FAM168B: variants seen among roughly 807,000 people sequenced by gnomAD.
The protein encoded by FAM168B is family with sequence similarity 168 member B.
A neutral mutation model predicts 21.8 loss-of-function variants in FAM168B; 19 were observed. That is an observed-to-expected ratio of 0.87 (90% CI 0.61 to 1.28). The LOEUF (loss-of-function observed/expected upper bound fraction) is 1.28, where lower values mean the gene tolerates loss of function less well. Ranked by LOEUF, FAM168B falls within the 50% of genes most tolerant of loss-of-function variation. The pLI is 0.00. For synonymous variants in FAM168B, 126 were observed against 104.8 expected (o/e 1.20, Z -1.24); for missense variants, 233 against 263.1 (o/e 0.89, Z 0.79).
intron 3 of FAM168B, among the ~76,000 whole-genome samples, chr2:131,067,997 C>T (rs1692662086): frequency 1.3e-5 from 2 of 152,008 alleles, no homozygotes; most frequent in Non-Finnish European, 2.9e-5. Flanking sequence ...TGTAACTGTA[C>T]CACTGGACTT....
chr2:131,083,209 C>T (rs1424825359), intron 1 of FAM168B, among the ~76,000 whole-genome samples: 1 of 152,150 alleles, frequency 6.6e-6, no homozygotes, highest in Non-Finnish European at 1.5e-5. Flanking sequence ...CAAAAATTAG[C>T]TGGGTGTGGT....
In FAM168B at chr2:131,055,358, G is replaced by A. The variant is rs574781509; in HGVS notation, c.389C>T (p.Thr130Met). 23 of 1,597,118 alleles carry A rather than the reference G, an allele frequency of 1.4e-5. No individual in the cohort carries two copies. Among genetic ancestry groups the A allele is most frequent in the East Asian group, 2.2e-5 (1 of 44,668 alleles). Residue 130 changes from threonine to methionine, a missense_variant, in exon 5 of 7, where the codon ACG becomes ATG. Thr to Met is a moderately conservative substitution (Grantham distance 81, BLOSUM62 -1). Transcript: ENST00000389915. ...AGGGGGGATGGGAGCAGGGTACACC[G>A]TTGCAGGCATGCCGTTGGGCTGCAC... ...TVVQPNGMPA[T>M]VYPAPIPPPR...
intron 1 of FAM168B, among the ~76,000 whole-genome samples, chr2:131,089,470 C>T (rs1353078315): frequency 1.3e-5 from 2 of 151,776 alleles, no homozygotes; most frequent in African/African-American, 4.8e-5. Context: ...CAGTGGCTCA[C>T]GCCTGTAATC....
intron 3 of FAM168B, among the ~76,000 whole-genome samples, chr2:131,069,228 T>G (rs1692731013): frequency 6.6e-6 from 1 of 152,212 alleles, no homozygotes; most frequent in Non-Finnish European, 1.5e-5. Context: ...TCACACTGAT[T>G]TGTGCTCCAT....
chr2:131,091,732 G>C (rs1363123835), intron 1 of FAM168B, among the ~76,000 whole-genome samples: 1 of 151,994 alleles, frequency 6.6e-6, no homozygotes, highest in African/African-American at 2.4e-5. Context: ...ATTTTACTGG[G>C]AGGAATTCAT....
At chr2:131,053,198 C>G (rs1180207966) in intron 5 of FAM168B, among the ~76,000 whole-genome samples, 183 bp from the exon 6 acceptor site, 5 of 152,250 alleles carry the variant, frequency 3.3e-5, no homozygotes, top group Non-Finnish European at 7.3e-5. Flanking sequence ...TGTCTCCACA[C>G]AGCAAGCTCC....
chr2:131,064,935 T>G (rs560321862), intron 3 of FAM168B, among the ~76,000 whole-genome samples: 57 of 152,272 alleles, frequency 3.7e-4, no homozygotes, highest in African/African-American at 1.4e-3. Context: ...AGAAACCTAA[T>G]CAAAGACACC....
intron 6 of FAM168B, among the ~76,000 whole-genome samples, chr2:131,052,656 ACATTCCAGGCAAGGCT>A (rs1187753741): frequency 6.6e-6 from 1 of 152,200 alleles, no homozygotes; most frequent in Non-Finnish European, 1.5e-5. Context: ...GGGTTAGAGC[ACATTCCAGGCAAGGCT>A]CAAGATGGAC....
intron 3 of FAM168B, among the ~76,000 whole-genome samples, chr2:131,059,898 G>A (rs797005273): frequency 1.8e-4 from 27 of 152,326 alleles, no homozygotes; most frequent in African/African-American, 6.5e-4. Context: ...AAATAATACA[G>A]AGGAAAGTGG....
intron 3 of FAM168B, among the ~76,000 whole-genome samples, chr2:131,066,426 C>A (rs747223170): frequency 6.6e-6 from 1 of 152,198 alleles, no homozygotes. Flanking sequence ...CCGTCCGCCT[C>A]GGCCTCCCAA....
chr2:131,080,709 G>A (rs575076059), intron 2 of FAM168B, among the ~76,000 whole-genome samples: 133 of 147,930 alleles, frequency 9.0e-4, no homozygotes, highest in African/African-American at 3.1e-3. Flanking sequence ...TTGCTCTGTC[G>A]CCCAGGCTGG....
At chr2:131,064,543 T>C (rs994918237) in intron 3 of FAM168B, among the ~76,000 whole-genome samples, 7 of 152,170 alleles carry the variant, frequency 4.6e-5, no homozygotes, top group African/African-American at 9.7e-5. Flanking sequence ...GGGAAATAAC[T>C]GCTCTCTAGA....
intron 3 of FAM168B, among the ~76,000 whole-genome samples, chr2:131,057,892 G>A (rs1055290372): frequency 1.8e-4 from 28 of 151,966 alleles, no homozygotes; most frequent in African/African-American, 6.3e-4. Flanking sequence ...GTGTAGTGGT[G>A]CAATCTCAGC....
At chr2:131,060,953 G>C (rs907032670) in intron 3 of FAM168B, among the ~76,000 whole-genome samples, 1 of 151,566 alleles carries the variant, frequency 6.6e-6, no homozygotes, top group Non-Finnish European at 1.5e-5. Context: ...CCGGGTTCAC[G>C]CCATTCTCCT....
At chr2:131,061,933 A>G (rs960018632) in intron 3 of FAM168B, among the ~76,000 whole-genome samples, 1 of 152,220 alleles carries the variant, frequency 6.6e-6, no homozygotes, top group Admixed American at 6.5e-5. Flanking sequence ...AAGTTAAACT[A>G]TGCCACTGGA....
intron 5 of FAM168B, among the ~76,000 whole-genome samples, chr2:131,053,999 T>C (rs1691857771): frequency 6.6e-6 from 1 of 151,834 alleles, no homozygotes; most frequent in Admixed American, 6.6e-5. Context: ...AGGTCAGGAG[T>C]TCGAGACCAG....
At chr2:131,069,249 G>C (rs753975817) in intron 3 of FAM168B, among the ~76,000 whole-genome samples, 1 of 152,216 alleles carries the variant, frequency 6.6e-6, no homozygotes, top group South Asian at 2.1e-4. Context: ...GAAGAAATGA[G>C]TAAAAGTGGG....
chr2:131,053,885 A>T (rs1319099415), intron 5 of FAM168B, among the ~76,000 whole-genome samples: 1 of 152,124 alleles, frequency 6.6e-6, no homozygotes, highest in East Asian at 1.9e-4. Flanking sequence ...AACAAAAAAA[A>T]GTTAAGATGG....
intron 3 of FAM168B, among the ~76,000 whole-genome samples, chr2:131,069,588 G>C (rs1427460765): frequency 6.6e-6 from 1 of 152,002 alleles, no homozygotes; most frequent in Non-Finnish European, 1.5e-5. Context: ...CCGCCTTCCA[G>C]GTTCTGGCCA....
Sources: allele counts gnomAD v4.1 joint callset (sites outside exome capture counted in the v4.1 genomes callset), GRCh38; gene constraint gnomAD v4.1.1; transcripts MANE v1.5; gene names NCBI Gene and HGNC (gene_info 2026-07-23, HGNC 2026-07-21).